The following TMOD4 variants were observed in gnomAD, a reference collection of about 807,000 sequenced individuals.
The protein encoded by TMOD4 is tropomodulin-4.
Under a neutral mutation model 45.4 loss-of-function variants are expected in TMOD4, and 34 were observed. The observed-to-expected ratio is 0.75, with a 90% CI of 0.57 to 1.00. The LOEUF is 1.00. TMOD4 is among the 50% of genes least tolerant of loss of function. The probability of loss-of-function intolerance (pLI) is 0.00; values close to 1 mark genes in which losing one functional copy is unlikely to be tolerated. For synonymous variants in TMOD4, 131 were observed against 153.9 expected (o/e 0.85, Z 1.10); for missense variants, 399 against 437.5 (o/e 0.91, Z 0.78).
chr1:151,174,077 G>A (rs587631532), intron 3 of TMOD4, among the ~76,000 whole-genome samples: 14 of 152,266 alleles, frequency 9.2e-5, no homozygotes, highest in Non-Finnish European at 1.6e-4. Context: ...TTAGCCGGGC[G>A]TGGTGGTGGG....
chr1:151,170,179 G>C (rs1243077446), intron 9 of TMOD4, 76 bp from the exon 10 acceptor site: 1 of 1,567,308 alleles, frequency 6.4e-7, no homozygotes. Context: ...CTCCTTTCCA[G>C]TCCCTTAGCC....
rs1245109807 is a variant in TMOD4 at position 151,170,944 on chromosome 1, G to A, written c.846C>T (p.Leu282=). The A allele has an allele frequency of 1.2e-6, 2 of 1,614,150 alleles. No individual in the cohort carries two copies. The highest frequency in any genetic ancestry group is 2.2e-5 in the East Asian group (1 of 44,884). ...CCTGATTGTCTACACGGAGCTCAGTGAGTGTGGCATTTTCCCGAACTGCCT... is the reference window on the plus strand; with the variant it reads ...CCTGATTGTCTACACGGAGCTCAGTAAGTGTGGCATTTTCCCGAACTGCCT... ...VLKAVRENAT[L]TELRVDNQRQ... is the part of the protein sequence containing the mutation. The change falls in exon 8 of 10, where the codon CTC becomes CTT. Residue 282 remains leucine, a synonymous_variant. Coordinates refer to ENST00000295314, the MANE Select transcript of TMOD4 (RefSeq NM_013353.3).
At chr1:151,174,589 G>T in intron 2 of TMOD4, 42 bp from the exon 3 acceptor site, 1 of 1,609,486 alleles carries the variant, frequency 6.2e-7, no homozygotes, top group South Asian at 1.1e-5. Context: ...CCTCCCCTCT[G>T]ACCTAGGTAC....
chr1:151,171,208 G>A lies in TMOD4; in HGVS notation c.727-145C>T, dbSNP rs1683942535. ...TGGAGCTAGAGGGATACAGAAAGCA[G>A]GGCGGATAGCAGGGGAAAGCAGGGA... On this transcript the variant is annotated intron_variant, in intron 7 of 9. Coordinates refer to ENST00000295314, the MANE Select transcript of TMOD4 (RefSeq NM_013353.3). 4 of 995,526 alleles carry A rather than the reference G, an allele frequency of 4.0e-6. No homozygotes were observed. In the East Asian group the frequency reaches 7.3e-5, roughly 18 times the overall value. 61.7% of individuals were successfully genotyped at this position (995,526 alleles called of 1,614,324 possible).
Position 151,172,362 on chromosome 1 carries a change from A to C in TMOD4, c.398-5T>G. On this transcript the variant is annotated splice_polypyrimidine_tract_variant and splice_region_variant and intron_variant, in intron 4 of 9. Transcript: ENST00000295314. ...GTGTGTACATGTCCAGAATTGCTGGAGAGGGTAAGAAGAGGAGTCACAGGG... is the reference window on the plus strand; with the variant it reads ...GTGTGTACATGTCCAGAATTGCTGGCGAGGGTAAGAAGAGGAGTCACAGGG... 2 of 1,611,096 alleles carry C rather than the reference A, an allele frequency of 1.2e-6. No homozygotes were observed. The highest frequency in any genetic ancestry group is 1.7e-6 in the Non-Finnish European group (2 of 1,177,448).
intron 3 of TMOD4, 42 bp downstream of exon 3, chr1:151,174,349 C>T: frequency 6.3e-7 from 1 of 1,597,964 alleles, no homozygotes; most frequent in Admixed American, 1.7e-5. Flanking sequence ...GACAGCACAG[C>T]CACTTGGGTT....
At chr1:151,173,974 G>C (rs939102316) in intron 3 of TMOD4, among the ~76,000 whole-genome samples, 10 of 152,080 alleles carry the variant, frequency 6.6e-5, no homozygotes, top group Admixed American at 3.9e-4. Context: ...CCAGCACTTT[G>C]GGAGGCTAAG....
chr1:151,170,158 A>G (rs1683902288), intron 9 of TMOD4, 55 bp from the exon 10 acceptor site: 3 of 1,607,248 alleles, frequency 1.9e-6, no homozygotes, highest in African/African-American at 1.3e-5. Context: ...GCTTTCTGCA[A>G]AGGCACTCTT....
rs147898173 is a variant in TMOD4, at chr1:151,173,116, C to T, written c.397+383G>A. Among the ~76,000 whole-genome samples the T allele has an allele frequency of 7.3e-3, 1,111 of 152,066 alleles. 24 individuals carry two copies. Among genetic ancestry groups the T allele is most frequent in the African/African-American group, 0.026 (1,072 of 41,476 alleles). On this transcript the variant is annotated intron_variant, in intron 4 of 9. Coordinates refer to ENST00000295314, the MANE Select transcript of TMOD4 (RefSeq NM_013353.3). ...GATTACAGGTGTGAGCCACCGCACC[C>T]GGCCAGTTTTTTGTATTTTAGTAGA... is the stretch of plus-strand genomic sequence containing the variant.
intron 4 of TMOD4, among the ~76,000 whole-genome samples, chr1:151,172,812 T>C (rs991597834): frequency 6.6e-6 from 1 of 151,430 alleles, no homozygotes; most frequent in African/African-American, 2.4e-5. Flanking sequence ...TTTTTTGTTG[T>C]TGTTTTTGTT....
intron 3 of TMOD4, among the ~76,000 whole-genome samples, chr1:151,174,088 C>T (rs1485194602): frequency 2.6e-5 from 4 of 152,010 alleles, no homozygotes; most frequent in Non-Finnish European, 4.4e-5. Context: ...TGGTGGTGGG[C>T]GCCTGTAGTC....
chr1:151,174,288 G>C, intron 3 of TMOD4, 103 bp downstream of exon 3: 1 of 1,283,872 alleles, frequency 7.8e-7, no homozygotes, highest in Non-Finnish European at 1.1e-6. Context: ...GAGTCCCTAG[G>C]CAACTAGGAG....
chr1:151,172,455 G>A, intron 4 of TMOD4, 98 bp from the exon 5 acceptor site: 1 of 955,276 alleles, frequency 1.0e-6, no homozygotes, highest in Non-Finnish European at 1.6e-6. Flanking sequence ...TGTAAAGCCT[G>A]ACCACTTACA....
In TMOD4 at chr1:151,170,114, G is replaced by T; in HGVS notation, c.1016-11C>A. ...TCTTTTGCTGGCGACCTGTAAAGGA[G>T]CAATATTAAACATAAGTGTTTGTTC... On this transcript the variant is annotated splice_polypyrimidine_tract_variant and intron_variant, in intron 9 of 9. Transcript: ENST00000295314. 1 of 1,614,124 alleles carries T rather than the reference G, an allele frequency of 6.2e-7. No homozygotes were observed. Among genetic ancestry groups the T allele is most frequent in the Non-Finnish European group, 8.5e-7 (1 of 1,179,998 alleles).
intron 7 of TMOD4, 75 bp from the exon 8 acceptor site, chr1:151,171,138 G>A (rs1683940397): frequency 1.3e-6 from 2 of 1,510,232 alleles, no homozygotes; most frequent in South Asian, 1.2e-5. Flanking sequence ...ACAGGAGCAA[G>A]AGGGAAACAC....
intron 3 of TMOD4, among the ~76,000 whole-genome samples, 180 bp from the exon 4 acceptor site, chr1:151,173,795 G>A (rs902375236): frequency 2.6e-5 from 4 of 152,156 alleles, no homozygotes; most frequent in African/African-American, 7.2e-5. Flanking sequence ...TGAAGAGTGC[G>A]GGGCTGGGCG....
At chr1:151,171,836 T>C (rs1683968981) in intron 5 of TMOD4, 73 bp from the exon 6 acceptor site, 1 of 1,513,432 alleles carries the variant, frequency 6.6e-7, no homozygotes, top group Non-Finnish European at 8.8e-7. Context: ...TTCTTTTCTT[T>C]TCTTTTTTTT....
Position 151,171,488 on chromosome 1 carries a change from G to A in TMOD4, c.671C>T (p.Thr224Ile). ...TACCAGACTGAAGCTCCGCACATAG[G>A]TATTTGCCTTCATTGCCTCACACAG... ...SELCEAMKAN[T>I]YVRSFSLVAT... The change falls in exon 7 of 10, where the codon ACC becomes ATC. Residue 224 changes from threonine (T) to isoleucine (I), a missense_variant. Coordinates refer to ENST00000295314, the MANE Select transcript of TMOD4 (RefSeq NM_013353.3). 1.9e-6 allele frequency: 3 copies of A among 1,614,156 alleles called. No individual in the cohort carries two copies. The highest frequency in any genetic ancestry group is 2.5e-6 in the Non-Finnish European group (3 of 1,180,024).
chr1:151,173,591 C>T lies in TMOD4; in HGVS notation c.305G>A (p.Arg102Lys), dbSNP rs1399129303. 4 of 1,614,232 alleles carry T rather than the reference C, an allele frequency of 2.5e-6. No homozygotes were observed. The highest frequency in any genetic ancestry group is 3.4e-6 in the Non-Finnish European group (4 of 1,180,034). ...GATCTGCTCCTCTGCTGGGATTTCC[C>T]TCTTGGGCTGAATATAGGGTTTCCC... is the stretch of plus-strand genomic sequence containing the variant. Reference protein sequence around the residue: ...KKGKPYIQPKREIPAEEQITL... With the variant: ...KKGKPYIQPKKEIPAEEQITL... The change falls in exon 4 of 10, where the codon AGG (arginine) becomes AAG (lysine). Residue 102 changes from arginine to lysine, a missense_variant. Transcript: ENST00000295314.
Sources: gnomAD v4.1 joint callset for allele counts (sites outside exome capture counted in the v4.1 genomes callset) on GRCh38, gnomAD v4.1.1 for gene constraint, MANE v1.5 for transcripts, NCBI Gene and HGNC (gene_info 2026-07-23, HGNC 2026-07-21) for gene names.